Variants in SYNE1 observed in about 807,000 individuals in gnomAD.
SYNE1 encodes the protein nesprin-1.
A neutral mutation model predicts 1,111.0 loss-of-function variants in SYNE1; 616 were observed. The ratio of observed to expected loss-of-function variants is 0.55; its 90% CI spans 0.52 to 0.59. The LOEUF is 0.59. Among genes scored for constraint, SYNE1 ranks in the 20% least tolerant of loss-of-function variants. The pLI is 0.00. For missense variants in SYNE1, 10,006 were observed against 10,417.0 expected, an observed-to-expected ratio of 0.96 and a Z score of 1.72; for synonymous variants, 3,855 against 3,825.8, an observed-to-expected ratio of 1.01 and a Z score of -0.28.
In SYNE1 at chr6:152,269,260, G is replaced by A. The variant is rs770223025; in HGVS notation, c.18600C>T (p.Ser6200=). Residue 6200 remains serine, a synonymous_variant, in exon 99 of 146, where the codon AGC becomes AGT. Coordinates refer to ENST00000367255, the MANE Select transcript of SYNE1 (RefSeq NM_182961.4). Reference sequence around the variant, plus strand: ...TCTGCGTGGCTGTTAGGTCAACATCGCTCTCCTCCTTCTCCTGTGCTGTTC... The same window carrying A: ...TCTGCGTGGCTGTTAGGTCAACATCACTCTCCTCCTTCTCCTGTGCTGTTC... ...MQGTAQEKEE[S]DVDLTATQSP... 1.7e-5 allele frequency: 27 copies of A among 1,614,038 alleles called. No homozygotes were observed. Among genetic ancestry groups the A allele is most frequent in the Non-Finnish European group, 2.2e-5 (26 of 1,180,042 alleles).
intron 4 of SYNE1, among the ~76,000 whole-genome samples, chr6:152,532,669 T>A (rs934880223): frequency 4.6e-5 from 7 of 152,186 alleles, no homozygotes; most frequent in African/African-American, 1.7e-4. Flanking sequence ...GGGTTGACTC[T>A]CCATGTGCAT....
At chr6:152,561,545 C>T (rs992077926) in intron 3 of SYNE1, among the ~76,000 whole-genome samples, 58 of 151,926 alleles carry the variant, frequency 3.8e-4, no homozygotes, top group South Asian at 1.2e-3. Context: ...AAAATTCCAA[C>T]GGCATTTTTA....
In SYNE1 at chr6:152,211,677, G is replaced by A. The variant is rs185016292; in HGVS notation, c.22495-89C>T. On this transcript the variant is annotated intron_variant, in intron 123 of 145. Coordinates refer to ENST00000367255, the MANE Select transcript of SYNE1 (RefSeq NM_182961.4). ...TAACTTTCCAAATATTCTAGTTTTCGCAAGACTATGAAAGCTATCACCAGC... is the reference window on the plus strand; with the variant it reads ...TAACTTTCCAAATATTCTAGTTTTCACAAGACTATGAAAGCTATCACCAGC... 7.4e-4 allele frequency: 831 copies of A among 1,121,234 alleles called. 13 individuals are homozygous for A. In the East Asian group the frequency reaches 0.019, roughly 26 times the overall value. The allele number at this position is 1,121,234 out of a possible 1,614,324, so 69.5% of individuals were successfully genotyped here.
intron 63 of SYNE1, among the ~76,000 whole-genome samples, chr6:152,363,363 G>A (rs978390942): frequency 2.8e-4 from 42 of 149,748 alleles, no homozygotes; most frequent in South Asian, 6.3e-4. Context: ...GCATGGTGGC[G>A]GGCGCCTGTA....
At position 152,278,217 on chromosome 6, in the gene SYNE1, T is replaced by C; in HGVS notation, c.18445A>G (p.Asn6149Asp). 1 of 1,614,190 alleles carries C rather than the reference T, an allele frequency of 6.2e-7. No individual in the cohort carries two copies. Among genetic ancestry groups the C allele is most frequent in the Non-Finnish European group, 8.5e-7 (1 of 1,180,036 alleles). ...ALSELSVHNE[N>D]LLLEGKAHTK... ...TGAGCTTTGCCCTCCAGCAGCAGGT[T>C]CTCATTGTGGACTGACAGTTCTGAT... The change falls in exon 98 of 146, where the codon AAC (asparagine) becomes GAC (aspartate). Residue 6149 changes from asparagine to aspartate, a missense_variant. By Grantham distance (23) the Asn-to-Asp change is conservative. This residue lies in a region of SYNE1 where 99 missense variants were observed against 147.8 expected (regional missense o/e 0.67). Transcript: ENST00000367255.
Position 152,471,586 on chromosome 6 carries a change from G to A in SYNE1, c.1632+11C>T, listed in dbSNP as rs371323621. ...TCATAGGAATTCTCTGTCAAAGCAC[G>A]GGGGACTCACCACGTAGTTTTGTAG... is the stretch of plus-strand genomic sequence containing the variant. On this transcript the variant is annotated intron_variant, in intron 16 of 145. Coordinates refer to ENST00000367255, the MANE Select transcript of SYNE1 (RefSeq NM_182961.4). The A allele has an allele frequency of 6.6e-5, 106 of 1,613,210 alleles. No homozygotes were observed. The highest frequency in any genetic ancestry group is 3.9e-4 in the African/African-American group (29 of 74,982).
intron 3 of SYNE1, among the ~76,000 whole-genome samples, chr6:152,616,970 T>C (rs922046027): frequency 6.6e-6 from 1 of 152,208 alleles, no homozygotes; most frequent in African/African-American, 2.4e-5. Flanking sequence ...GCTTGCCGCC[T>C]ATCCATAATG....
rs373040273 is a variant in SYNE1 at position 152,330,262 on chromosome 6, G to A, written c.14423C>T (p.Thr4808Met). 7.2e-5 allele frequency: 117 copies of A among 1,614,014 alleles called. No homozygotes were observed. The highest frequency in any genetic ancestry group is 3.3e-4 in the Middle Eastern group (2 of 6,084). Reference protein sequence around the residue: ...KEEQSKVNEETLPAEEKLKMY... With the variant: ...KEEQSKVNEEMLPAEEKLKMY... The stretch of plus-strand genomic sequence containing the variant: ...TTTGAGCTTCTCCTCTGCAGGCAGC[G>A]TTTCCTCATTCACTTTGGACTGCTC... The change falls in exon 78 of 146, where the codon ACG becomes ATG. Residue 4808 changes from threonine to methionine, a missense_variant. Physicochemically the swap from Thr to Met is moderately conservative, Grantham distance 81 (BLOSUM62 -1). Coordinates refer to ENST00000367255, the MANE Select transcript of SYNE1 (RefSeq NM_182961.4).
intron 130 of SYNE1, among the ~76,000 whole-genome samples, chr6:152,170,396 A>C (rs2064891599): frequency 6.6e-6 from 1 of 152,228 alleles, no homozygotes. Flanking sequence ...GAGATGTGGC[A>C]GTTAGTTTCA....
At chr6:152,211,666 T>C (rs2077544051) in intron 123 of SYNE1, 78 bp from the exon 124 acceptor site, 2 of 1,306,618 alleles carry the variant, frequency 1.5e-6, no homozygotes, top group Non-Finnish European at 1.1e-6. Context: ...TTTCCAAATA[T>C]TCTAGTTTTC....
chr6:152,122,742 T>A (rs2051730785), intron 145 of SYNE1, 66 bp from the exon 146 acceptor site: 2 of 1,606,624 alleles, frequency 1.2e-6, no homozygotes, highest in South Asian at 2.2e-5. Flanking sequence ...GCTTTTTGCC[T>A]CTGCACCTTC....
Position 152,461,601 on chromosome 6 carries a change from G to A in SYNE1, c.2390C>T (p.Thr797Ile). The A allele has an allele frequency of 1.2e-6, 2 of 1,613,916 alleles. No individual in the cohort carries two copies. The highest frequency in any genetic ancestry group is 1.7e-6 in the Non-Finnish European group (2 of 1,179,902). Residue 797 changes from threonine (T) to isoleucine (I), a missense_variant, in exon 21 of 146, where the codon ACC (threonine) becomes ATC (isoleucine). Physicochemically the swap from Thr to Ile is moderately conservative, Grantham distance 89. Around this residue, in one of 7 missense-constraint regions of SYNE1, gnomAD observed 1,971 missense variants for 2,084.1 expected, o/e 0.95. Coordinates refer to ENST00000367255, the MANE Select transcript of SYNE1 (RefSeq NM_182961.4). The part of the protein sequence containing the change: ...ATMSKLKEQL[T>I]KVKECYSPLL... ...TGCATTAAATTATTTTCGCACCTTG[G>A]TTAGCTGCTCTTTGAGCTTTGACAT...
At chr6:152,125,246 AG>A in intron 145 of SYNE1, 1 of 1,549,288 alleles carries the variant, frequency 6.5e-7, no homozygotes, top group Non-Finnish European at 8.7e-7. Context: ...ATGGTAATTC[AG>A]GTCGTATTCA....
intron 104 of SYNE1, among the ~76,000 whole-genome samples, chr6:152,250,453 G>A (rs765319064): frequency 6.6e-6 from 1 of 151,956 alleles, no homozygotes; most frequent in African/African-American, 2.4e-5. Context: ...ATCGTACCAA[G>A]GAAGAAAAAC....
chr6:152,129,083 G>T (rs376051688), intron 145 of SYNE1: 5 of 152,266 alleles, frequency 3.3e-5, no homozygotes, highest in Non-Finnish European at 7.3e-5. Flanking sequence ...TGCGAGTGTC[G>T]TAGTGAGAAT....
intron 3 of SYNE1, among the ~76,000 whole-genome samples, chr6:152,600,183 C>T (rs953974991): frequency 1.2e-4 from 18 of 152,092 alleles, no homozygotes; most frequent in African/African-American, 3.6e-4. Flanking sequence ...AGCTCTGATA[C>T]GGCACAAACC....
At chr6:152,407,749 AT>A (rs1375226628) in intron 44 of SYNE1, among the ~76,000 whole-genome samples, 20 of 149,394 alleles carry the variant, frequency 1.3e-4, no homozygotes, top group African/African-American at 3.0e-4. Flanking sequence ...GTTAAAAAAA[AT>A]AAAAGAATGT....
chr6:152,429,896 T>C (rs903831844), intron 36 of SYNE1, among the ~76,000 whole-genome samples: 101 of 152,346 alleles, frequency 6.6e-4, no homozygotes, highest in African/African-American at 2.2e-3. Flanking sequence ...TTGAAATGAA[T>C]ACTCCTTTAA....
At chr6:152,483,329 G>T in intron 13 of SYNE1, 80 bp from the exon 14 acceptor site, 1 of 1,189,498 alleles carries the variant, frequency 8.4e-7, no homozygotes, top group Non-Finnish European at 1.2e-6. Flanking sequence ...TAATAGTAAA[G>T]CATACATAAA....
Sources: gnomAD v4.1 joint callset for allele counts (sites outside exome capture counted in the v4.1 genomes callset) on GRCh38, gnomAD v4.1.1 for gene constraint, gnomAD v4.1.1 regional missense constraint, MANE v1.5 for transcripts, NCBI Gene and HGNC (gene_info 2026-07-23, HGNC 2026-07-21) for gene names.